Variants in KCNK13 observed in about 807,000 individuals in gnomAD.
KCNK13 encodes the protein potassium channel subfamily K member 13.
In KCNK13, 12 loss-of-function variants were observed where a neutral mutation model predicts 23.4. That is an observed-to-expected ratio of 0.51 (90% CI 0.33 to 0.83). KCNK13 has a LOEUF of 0.83. Ranked by LOEUF, KCNK13 falls within the 40% of genes least tolerant of loss-of-function variation. The probability of loss-of-function intolerance (pLI) is 0.02; values close to 1 mark genes in which losing one functional copy is unlikely to be tolerated. For synonymous variants in KCNK13, 231 were observed against 229.5 expected, an observed-to-expected ratio of 1.01 and a Z score of -0.06; for missense variants, 463 against 556.3, an observed-to-expected ratio of 0.83 and a Z score of 1.69.
intron 1 of KCNK13, among the ~76,000 whole-genome samples, chr14:90,076,482 A>G (rs2140392113): frequency 6.6e-6 from 1 of 152,304 alleles, no homozygotes; most frequent in East Asian, 1.9e-4. Context: ...GACAATTCCA[A>G]TAACTCATTG....
intron 1 of KCNK13, among the ~76,000 whole-genome samples, chr14:90,072,784 A>G (rs1889091325): frequency 6.6e-6 from 1 of 152,184 alleles, no homozygotes; most frequent in African/African-American, 2.4e-5. Flanking sequence ...CAAGAATTCC[A>G]CATGTTTATA....
intron 1 of KCNK13, among the ~76,000 whole-genome samples, chr14:90,106,851 G>A (rs1057213677): frequency 1.7e-4 from 26 of 151,520 alleles, no homozygotes; most frequent in Admixed American, 1.5e-3. Context: ...GCGAAACCCC[G>A]TCTCTACTAA....
At position 90,184,420 on chromosome 14, in the gene KCNK13, T is replaced by G. The variant is rs771264412; in HGVS notation, c.644T>G (p.Met215Arg). The change falls in exon 2 of 2, where the codon ATG becomes AGG. Residue 215 changes from methionine to arginine, a missense_variant. This residue lies in a region of KCNK13 where 144 missense variants were observed against 224.0 expected (regional missense o/e 0.64). Transcript: ENST00000282146. This position sits in a 1 kb window ranked among gnomAD's most constrained non-coding sequence, Gnocchi z 5.6. ...CTCATCTCTTGCTGCGCCTCAGCCA[T>G]GTACACCCCCATTGAAGGCTGGAGC... The part of the protein sequence containing the change: ...SILISCCASA[M>R]YTPIEGWSYF... 4 of 1,614,242 alleles carry G rather than the reference T, an allele frequency of 2.5e-6. No individual in the cohort carries two copies. Among genetic ancestry groups the G allele is most frequent in the Non-Finnish European group, 2.5e-6 (3 of 1,180,042 alleles).
At chr14:90,065,574 A>C (rs1259003511) in intron 1 of KCNK13, among the ~76,000 whole-genome samples, 1 of 152,228 alleles carries the variant, frequency 6.6e-6, no homozygotes, top group Non-Finnish European at 1.5e-5. Context: ...TCCCAAATGG[A>C]AGCTTGGAAG....
intron 1 of KCNK13, among the ~76,000 whole-genome samples, chr14:90,071,660 A>T (rs917266338): frequency 5.9e-5 from 9 of 152,236 alleles, no homozygotes; most frequent in Non-Finnish European, 1.0e-4. Flanking sequence ...GAGAATTGGG[A>T]GGCCAAGGTG....
At chr14:90,174,245 G>A (rs1166181958) in intron 1 of KCNK13, among the ~76,000 whole-genome samples, 2 of 152,146 alleles carry the variant, frequency 1.3e-5, no homozygotes, top group African/African-American at 4.8e-5. Context: ...GGGAGGTGGA[G>A]CTTGCAGTGA....
intron 1 of KCNK13, among the ~76,000 whole-genome samples, chr14:90,168,982 C>T (rs1402637697): frequency 6.6e-6 from 1 of 152,186 alleles, no homozygotes; most frequent in Non-Finnish European, 1.5e-5. Flanking sequence ...TCCTCATTCA[C>T]CTTCCACCAT....
chr14:90,166,016 A>G (rs1890298393), intron 1 of KCNK13, among the ~76,000 whole-genome samples: 1 of 152,222 alleles, frequency 6.6e-6, no homozygotes, highest in Non-Finnish European at 1.5e-5. Context: ...TGATTTAAAG[A>G]GTCTCTATTT....
intron 1 of KCNK13, among the ~76,000 whole-genome samples, chr14:90,121,415 ATGT>A (rs1221394160): frequency 7.2e-5 from 11 of 152,070 alleles, no homozygotes; most frequent in Non-Finnish European, 1.5e-4. Flanking sequence ...CTGGGGAGGG[ATGT>A]TGTTACGCCG....
At chr14:90,159,994 G>C (rs1890236095) in intron 1 of KCNK13, among the ~76,000 whole-genome samples, 1 of 151,958 alleles carries the variant, frequency 6.6e-6, no homozygotes, top group Non-Finnish European at 1.5e-5. Flanking sequence ...TGCATACAGA[G>C]GGGGTTGCAG....
intron 1 of KCNK13, among the ~76,000 whole-genome samples, chr14:90,104,517 G>A (rs1371226096): frequency 6.6e-6 from 1 of 152,084 alleles, no homozygotes; most frequent in African/African-American, 2.4e-5. Context: ...CTATCTTTGG[G>A]GACTCTTGGG....
chr14:90,084,537 G>T (rs536617951), intron 1 of KCNK13, among the ~76,000 whole-genome samples: 2 of 152,312 alleles, frequency 1.3e-5, no homozygotes, highest in African/African-American at 4.8e-5. Context: ...TTTTCAGTCA[G>T]TTCCTTAGGA....
At chr14:90,098,955 G>C (rs535735982) in intron 1 of KCNK13, among the ~76,000 whole-genome samples, 1 of 152,064 alleles carries the variant, frequency 6.6e-6, no homozygotes, top group Non-Finnish European at 1.5e-5. Context: ...GCAGGTGCCT[G>C]TATTCCCAGC....
At chr14:90,112,522 C>T (rs1253409133) in intron 1 of KCNK13, among the ~76,000 whole-genome samples, 1 of 152,022 alleles carries the variant, frequency 6.6e-6, no homozygotes, top group Non-Finnish European at 1.5e-5. Context: ...GTAGAAAAAA[C>T]ACAAAAGGAA....
chr14:90,160,513 T>C (rs1341866790), intron 1 of KCNK13, among the ~76,000 whole-genome samples: 2 of 152,150 alleles, frequency 1.3e-5, no homozygotes, highest in Non-Finnish European at 2.9e-5. Context: ...TTTTGGGTGA[T>C]TTTTTATTTT....
intron 1 of KCNK13, among the ~76,000 whole-genome samples, chr14:90,116,748 C>T (rs182939384): frequency 9.8e-5 from 15 of 152,356 alleles, no homozygotes; most frequent in African/African-American, 3.6e-4. Context: ...GTCTGTGTCA[C>T]AACTGCTCAG....
chr14:90,099,406 A>G (rs1889449055), intron 1 of KCNK13, among the ~76,000 whole-genome samples: 1 of 152,174 alleles, frequency 6.6e-6, no homozygotes, highest in Non-Finnish European at 1.5e-5. Flanking sequence ...ACTCTGCTGC[A>G]TCTTGTTTCT....
At chr14:90,097,679 G>C (rs934162779) in intron 1 of KCNK13, among the ~76,000 whole-genome samples, 3 of 152,126 alleles carry the variant, frequency 2.0e-5, no homozygotes, top group Admixed American at 2.0e-4. Context: ...GCTGCAGCAC[G>C]CAGAGGCTCA....
intron 1 of KCNK13, among the ~76,000 whole-genome samples, chr14:90,145,664 T>C (rs1005554065): frequency 6.6e-6 from 1 of 152,144 alleles, no homozygotes; most frequent in South Asian, 2.1e-4. Context: ...ATTGATTCCT[T>C]ATTGATCCTT....
Sources: gnomAD v4.1 joint callset for allele counts (sites outside exome capture counted in the v4.1 genomes callset) on GRCh38, gnomAD v4.1.1 for gene constraint, gnomAD v4.1.1 regional missense constraint, Gnocchi (gnomAD v3.1) non-coding constraint, MANE v1.5 for transcripts, NCBI Gene and HGNC (gene_info 2026-07-23, HGNC 2026-07-21) for gene names.